The following GDPD5 variants were observed in gnomAD, a reference collection of about 807,000 sequenced individuals.
The protein encoded by GDPD5 is glycerophosphodiester phosphodiesterase 2.
Under a neutral mutation model 75.1 loss-of-function variants are expected in GDPD5, and 48 were observed. That is an observed-to-expected ratio of 0.64 (90% CI 0.51 to 0.81). The LOEUF (loss-of-function observed/expected upper bound fraction) is 0.81. Ranked by LOEUF, GDPD5 falls within the 40% of genes least tolerant of loss-of-function variation. The pLI is 0.00. For synonymous variants in GDPD5, 336 were observed against 339.0 expected (o/e 0.99, Z 0.10); for missense variants, 706 against 822.6 (o/e 0.86, Z 1.73).
In GDPD5 at chr11:75,449,802, C is replaced by T. The variant is rs147044492; in HGVS notation, c.474+83G>A. On this transcript the variant is annotated intron_variant, in intron 7 of 16. Transcript: ENST00000336898. ...TCTGTGACCCTGGGCGCCTCCCTGC[C>T]CTTCTTTGGGCCTTGGTCTGGAGAA... is the stretch of plus-strand genomic sequence containing the variant. 1.2e-4 allele frequency: 169 copies of T among 1,468,674 alleles called. No individual in the cohort carries two copies. In the African/African-American group the frequency reaches 1.8e-3, roughly 16 times the overall value. The allele number at this position is 1,468,674 out of a possible 1,614,324, so 91.0% of individuals were successfully genotyped here.
chr11:75,495,763 A>G (rs906357996), intron 1 of GDPD5, among the ~76,000 whole-genome samples: 1 of 152,032 alleles, frequency 6.6e-6, no homozygotes. Context: ...ATGGATCTCT[A>G]TTTGTATTTT....
chr11:75,435,588 A>C lies in GDPD5; in HGVS notation c.1737T>G (p.Tyr579Ter), dbSNP rs754882301. 1 of 1,613,674 alleles carries C rather than the reference A, an allele frequency of 6.2e-7. No homozygotes were observed. Among genetic ancestry groups the C allele is most frequent in the South Asian group, 1.1e-5 (1 of 91,074 alleles). The change falls in exon 17 of 17, where the codon TAT (tyrosine) becomes TAG (stop). Residue 579 changes from tyrosine to a stop codon, truncating the protein, a stop_gained. Coordinates refer to ENST00000336898, the MANE Select transcript of GDPD5 (RefSeq NM_030792.8). LOFTEE classifies it high-confidence loss of function. ...CCACAGGGGTGGCGGTGCTGTTGGC[A>C]TATGTGTCATAACTGTTGTCTGAAC... Reference protein sequence around the residue: ...SVCSDNSYDTYANSTATPVGP... With the variant: ...SVCSDNSYDT
At chr11:75,480,758 T>C (rs1949895737) in intron 2 of GDPD5, among the ~76,000 whole-genome samples, 1 of 152,212 alleles carries the variant, frequency 6.6e-6, no homozygotes, top group Non-Finnish European at 1.5e-5. Flanking sequence ...CCACCTATTT[T>C]TGTACAGCCC....
chr11:75,481,453 C>T (rs1007772696), intron 2 of GDPD5, among the ~76,000 whole-genome samples: 22 of 152,230 alleles, frequency 1.4e-4, no homozygotes, highest in East Asian at 3.9e-4. Flanking sequence ...GCCTCTGTTC[C>T]GGGGAGCCCT....
intron 1 of GDPD5, among the ~76,000 whole-genome samples, chr11:75,515,066 C>T (rs1007152124): frequency 6.6e-6 from 1 of 152,198 alleles, no homozygotes; most frequent in Non-Finnish European, 1.5e-5. Context: ...CCACATACCT[C>T]CCTTCTCAGG....
At chr11:75,473,015 T>G (rs1279026969) in intron 3 of GDPD5, among the ~76,000 whole-genome samples, 6 of 151,808 alleles carry the variant, frequency 4.0e-5, no homozygotes, top group Admixed American at 1.3e-4. Context: ...AGACAGGGCA[T>G]TCCAAGCAGA....
At chr11:75,520,062 A>G (rs1023529908) in intron 1 of GDPD5, among the ~76,000 whole-genome samples, 1 of 152,156 alleles carries the variant, frequency 6.6e-6, no homozygotes, top group Non-Finnish European at 1.5e-5. Context: ...GGACCCTTCC[A>G]GGCCAACAGC....
chr11:75,496,971 C>T (rs143976146), intron 1 of GDPD5, among the ~76,000 whole-genome samples: 1,525 of 151,730 alleles, frequency 0.01, 20 homozygotes, highest in Non-Finnish European at 0.014. Flanking sequence ...TTTGTAGAGA[C>T]GGGGTTTTGC....
At chr11:75,473,487 C>T (rs1949713914) in intron 3 of GDPD5, among the ~76,000 whole-genome samples, 1 of 152,110 alleles carries the variant, frequency 6.6e-6, no homozygotes, top group Non-Finnish European at 1.5e-5. Context: ...GCCTCCCCAG[C>T]CTGCATCCCT....
At chr11:75,487,892 A>G (rs553913612) in intron 2 of GDPD5, among the ~76,000 whole-genome samples, 29 of 152,328 alleles carry the variant, frequency 1.9e-4, no homozygotes, top group Non-Finnish European at 3.2e-4. Flanking sequence ...GGACCTCTAG[A>G]ATCACTTCAC....
chr11:75,439,412 G>C, intron 15 of GDPD5: 1 of 454,658 alleles, frequency 2.2e-6, no homozygotes, highest in Non-Finnish European at 4.4e-6. Context: ...AGGGACATGC[G>C]CCGATCAGAG....
rs149960418 is a variant in GDPD5 at position 75,448,557 on chromosome 11, C to T, written c.714+420G>A. 33 of 991,628 alleles carry T rather than the reference C, an allele frequency of 3.3e-5. No homozygotes were observed. The East Asian group carries it at 8.9e-4, about 27-fold the overall frequency. 61.4% of individuals were successfully genotyped at this position (991,628 alleles called of 1,614,324 possible). On this transcript the variant is annotated intron_variant, in intron 9 of 16. Transcript: ENST00000336898. Reference sequence around the variant, plus strand: ...AATGCGGCGCTGACTTTGATCCCTTCGTCTTTCTCCAACTCACGTCGGTTC... The same window carrying T: ...AATGCGGCGCTGACTTTGATCCCTTTGTCTTTCTCCAACTCACGTCGGTTC...
intron 3 of GDPD5, among the ~76,000 whole-genome samples, chr11:75,466,560 G>C (rs941198818): frequency 1.3e-5 from 2 of 152,218 alleles, no homozygotes; most frequent in East Asian, 1.9e-4. Flanking sequence ...TCAATGCCCC[G>C]GCCACGGCCC....
intron 1 of GDPD5, 122 bp from the exon 2 acceptor site, chr11:75,490,442 A>C (rs1179616802): frequency 6.6e-6 from 1 of 152,356 alleles, no homozygotes; most frequent in African/African-American, 2.4e-5. Context: ...TGTGGGGCCC[A>C]GTGATGGGTG....
intron 1 of GDPD5, among the ~76,000 whole-genome samples, chr11:75,515,663 A>C (rs1950623601): frequency 6.6e-6 from 1 of 152,176 alleles, no homozygotes; most frequent in Non-Finnish European, 1.5e-5. Flanking sequence ...AAGTGGCCAC[A>C]TCATGGCCAG....
chr11:75,457,623 G>A, intron 5 of GDPD5, 70 bp downstream of exon 5: 2 of 1,306,966 alleles, frequency 1.5e-6, no homozygotes, highest in Non-Finnish European at 2.2e-6. Context: ...CCCTCCATCA[G>A]CCCAGCACAG....
chr11:75,488,438 A>C (rs1051953428), intron 2 of GDPD5, among the ~76,000 whole-genome samples: 3 of 152,094 alleles, frequency 2.0e-5, no homozygotes, highest in Non-Finnish European at 2.9e-5. Context: ...GGGGAGTGGG[A>C]AAGTGGGGCA....
rs145443886 is a variant in GDPD5 at position 75,499,000 on chromosome 11, T to C, written c.-144-8680A>G. On this transcript the variant is annotated intron_variant, in intron 1 of 16. Transcript: ENST00000336898. ...GAAATAGCCTCTTGCTTCTCCTCCT[T>C]CTCTTTCTGCTTCTACGTTTCCTAT... Among the ~76,000 whole-genome samples, 551 of 152,184 alleles carry C rather than the reference T, an allele frequency of 3.6e-3. 9 individuals are homozygous for C. Among genetic ancestry groups the C allele is most frequent in the Admixed American group, 0.026 (400 of 15,280 alleles).
chr11:75,475,481 G>A (rs781237452), intron 3 of GDPD5, among the ~76,000 whole-genome samples: 69 of 152,212 alleles, frequency 4.5e-4, no homozygotes, highest in Non-Finnish European at 7.8e-4. Context: ...ACACTAGGTC[G>A]CTATTCCTTC....
Sources: allele counts gnomAD v4.1 joint callset (sites outside exome capture counted in the v4.1 genomes callset), GRCh38; gene constraint gnomAD v4.1.1; transcripts MANE v1.5; gene names NCBI Gene and HGNC (gene_info 2026-07-23, HGNC 2026-07-21).